Variants in VPS26C observed in about 807,000 individuals in gnomAD.
The protein encoded by VPS26C is VPS26 endosomal protein sorting factor C, also known as vacuolar protein sorting-associated protein 26C.
A neutral mutation model predicts 30.6 loss-of-function variants in VPS26C; 19 were observed. The observed-to-expected ratio is 0.62, with a 90% CI of 0.43 to 0.91. VPS26C has a LOEUF of 0.91. VPS26C is among the 40% of genes least tolerant of loss of function. The pLI is 0.00. For synonymous variants in VPS26C, 132 were observed against 151.5 expected (o/e 0.87, Z 0.95); for missense variants, 318 against 385.1 (o/e 0.83, Z 1.46).
Position 37,233,258 on chromosome 21 carries a change from T to G in VPS26C, c.432+104A>C, listed in dbSNP as rs894332081. ...GTCTTGTGTCTTCTGCCAGCACCCG[T>G]GAAACAGTAAGAGGCTAAATGGTGA... is the stretch of plus-strand genomic sequence containing the variant. On this transcript the variant is annotated intron_variant, in intron 4 of 7. Coordinates refer to ENST00000309117, the MANE Select transcript of VPS26C (RefSeq NM_006052.2). The surrounding 1 kb of genome is among the most constrained non-coding windows in gnomAD (Gnocchi z 5.2). 4 of 1,003,718 alleles carry G rather than the reference T, an allele frequency of 4.0e-6. No individual in the cohort carries two copies. In the African/African-American group the frequency reaches 4.8e-5, roughly 12 times the overall value. The allele number at this position is 1,003,718 out of a possible 1,614,324, so 62.2% of individuals were successfully genotyped here.
At chr21:37,232,343 T>TA (rs1410633886) in intron 5 of VPS26C, 34 bp downstream of exon 5, 1 of 1,596,804 alleles carries the variant, frequency 6.3e-7, no homozygotes, top group East Asian at 2.2e-5. Flanking sequence ...GCTGGGAAGA[T>TA]ACCCACGGCA....
chr21:37,261,596 TGACAAGAG>T lies in VPS26C; in HGVS notation c.57+5634_57+5641del, dbSNP rs1204645454. On this transcript the variant is annotated intron_variant, in intron 1 of 7. Transcript: ENST00000309117. ...TTAGGAATTTTTGTAAGGCTATGGG[TGACAAGAG>T]TTGTTGCTATAACAGAAACTGAAGC... is the stretch of plus-strand genomic sequence containing the variant. 4 of 151,722 alleles carry T rather than the reference TGACAAGAG, an allele frequency of 2.6e-5. No individual in the cohort carries two copies. The East Asian group carries it at 7.8e-4, about 29-fold the overall frequency. The allele number at this position is 151,722 out of a possible 1,614,324, so 9.4% of individuals were successfully genotyped here.
chr21:37,234,235 T>A (rs2085996490), intron 3 of VPS26C, among the ~76,000 whole-genome samples: 1 of 152,244 alleles, frequency 6.6e-6, no homozygotes, highest in African/African-American at 2.4e-5. Flanking sequence ...GAGGTCTCTC[T>A]CCATCTGCCA....
At chr21:37,261,280 T>G (rs1019981256) in intron 1 of VPS26C, 3 of 152,232 alleles carry the variant, frequency 2.0e-5, no homozygotes, top group African/African-American at 7.2e-5. Context: ...TAGCTTGATG[T>G]GATCCCATCT....
At position 37,257,903 on chromosome 21, in the gene VPS26C, C is replaced by G. The variant is rs530787584; in HGVS notation, c.57+9335G>C. Among the ~76,000 whole-genome samples, 13 of 151,794 alleles carry G rather than the reference C, an allele frequency of 8.6e-5. No individual in the cohort carries two copies. Among genetic ancestry groups the G allele is most frequent in the Admixed American group, 7.2e-4 (11 of 15,270 alleles). On this transcript the variant is annotated intron_variant, in intron 1 of 7. Transcript: ENST00000309117. The surrounding 1 kb of genome is among the most constrained non-coding windows in gnomAD (Gnocchi z 4.2). ...GGGCACCAAGCGGGGAGCGGGGCCA[C>G]GAGGCAGGGGACAGTGAAGCACCAT...
chr21:37,233,432 C>T lies in VPS26C; in HGVS notation c.362G>A (p.Arg121His), dbSNP rs892801310. The T allele has an allele frequency of 1.1e-5, 17 of 1,613,820 alleles. No homozygotes were observed. In the South Asian group the frequency reaches 1.2e-4, roughly 11 times the overall value. The change falls in exon 4 of 8, where the codon CGC (arginine) becomes CAC (histidine). Residue 121 changes from arginine to histidine, a missense_variant. Arg to His is a conservative substitution (Grantham distance 29). Coordinates refer to ENST00000309117, the MANE Select transcript of VPS26C (RefSeq NM_006052.2). This position sits in a 1 kb window ranked among gnomAD's most constrained non-coding sequence, Gnocchi z 5.2. ...GVFVNIQYTL[R>H]CDMKRSLLAK... Reference sequence around the variant, plus strand: ...CAACAGAGACCGCTTCATGTCACAGCGCAGTGTATACTAAAGGGGAGAGTT... The same window carrying T: ...CAACAGAGACCGCTTCATGTCACAGTGCAGTGTATACTAAAGGGGAGAGTT...
In VPS26C at chr21:37,252,125, A is replaced by G. The variant is rs552527061; in HGVS notation, c.58-11486T>C. Among the ~76,000 whole-genome samples, 9 of 152,320 alleles carry G rather than the reference A, an allele frequency of 5.9e-5. No homozygotes were observed. The South Asian group carries it at 1.9e-3, about 32-fold the overall frequency. On this transcript the variant is annotated intron_variant, in intron 1 of 7. Transcript: ENST00000309117. ...TAGTGAGATGCCTTTTTATTTACCA[A>G]TGAGGACCAAATGCACTAAGTAGTG...
chr21:37,267,866 A>G (rs1010400078), upstream of VPS26C: 3 of 153,918 alleles, frequency 1.9e-5, no homozygotes, highest in African/African-American at 2.4e-5. Context: ...GGTTCTGAAG[A>G]GCCGGCGCCC....
rs1602260913 is a variant in VPS26C, at chr21:37,227,729, G to A, written c.736C>T (p.Leu246Phe). 6.2e-7 allele frequency: 1 copy of A among 1,614,182 alleles called. No homozygotes were observed. Among genetic ancestry groups the A allele is most frequent in the Non-Finnish European group, 8.5e-7 (1 of 1,180,030 alleles). ...QIADGDVCRGLSVPIYMVFPR... is the reference protein window; with the variant it reads ...QIADGDVCRGFSVPIYMVFPR... ...AAGACCATGTAGATGGGGACAGAGAGGCCCCTGCACACATCCCCGTCGGCG... is the reference window on the plus strand; with the variant it reads ...AAGACCATGTAGATGGGGACAGAGAAGCCCCTGCACACATCCCCGTCGGCG... Residue 246 changes from leucine (L) to phenylalanine (F), a missense_variant, in exon 7 of 8, where the codon CTC (leucine) becomes TTC (phenylalanine). Leu to Phe is a conservative substitution (Grantham distance 22). Coordinates refer to ENST00000309117, the MANE Select transcript of VPS26C (RefSeq NM_006052.2).
At chr21:37,244,502 G>T (rs1157954709) in intron 1 of VPS26C, among the ~76,000 whole-genome samples, 2 of 152,172 alleles carry the variant, frequency 1.3e-5, no homozygotes, top group Non-Finnish European at 2.9e-5. Context: ...CCAAAGTGCT[G>T]GGATTACAGG....
intron 1 of VPS26C, among the ~76,000 whole-genome samples, chr21:37,248,833 A>G (rs1415689520): frequency 6.6e-6 from 1 of 152,176 alleles, no homozygotes; most frequent in Non-Finnish European, 1.5e-5. Context: ...TGTAAATACC[A>G]GTGCAAAGGT....
intron 1 of VPS26C, among the ~76,000 whole-genome samples, chr21:37,243,865 C>T (rs1183067050): frequency 6.6e-6 from 1 of 152,208 alleles, no homozygotes; most frequent in African/African-American, 2.4e-5. Context: ...CCTTAACAAC[C>T]TACTTGTAAC....
chr21:37,266,913 C>G (rs2086368684), intron 1 of VPS26C: 2 of 433,014 alleles, frequency 4.6e-6, no homozygotes, highest in African/African-American at 2.2e-5. Context: ...ACTGAGGGAG[C>G]TCAAGCCTGA....
At position 37,267,312 on chromosome 21, in the gene VPS26C, AGCC is replaced by A. The variant is rs755908735; in HGVS notation, c.-21_-19del. 3.1e-6 allele frequency: 5 copies of A among 1,595,260 alleles called. No homozygotes were observed. The highest frequency in any genetic ancestry group is 4.3e-6 in the Non-Finnish European group (5 of 1,168,434). Reference sequence around the variant, plus strand: ...GTCCCCATCTCCAATTCTCCGCAGCAGCCGCCACTTCCGGCTGCGCGTGACCCC... The same window carrying A: ...GTCCCCATCTCCAATTCTCCGCAGCAGCCACTTCCGGCTGCGCGTGACCCC... On this transcript the variant is annotated 5_prime_UTR_variant, in exon 1 of 8. Transcript: ENST00000309117.
In VPS26C at chr21:37,240,580, C is replaced by A. The variant is rs1352722267; in HGVS notation, c.117G>T (p.Val39=). 1.2e-6 allele frequency: 2 copies of A among 1,614,242 alleles called. No homozygotes were observed. The highest frequency in any genetic ancestry group is 1.7e-6 in the Non-Finnish European group (2 of 1,180,044). The change falls in exon 2 of 8, where the codon GTG becomes GTT. Residue 39 remains valine (V), a synonymous_variant. Coordinates refer to ENST00000309117, the MANE Select transcript of VPS26C (RefSeq NM_006052.2). ...TTACAGTTCCTTCCATGGTCAAAGA[C>A]ACTCCCTGGTGTTGGACTGAATCCT... ...SSKDSVQHQG[V]SLTMEGTVNL... is the part of the protein sequence containing the mutation.
At chr21:37,245,538 C>T (rs1317815536) in intron 1 of VPS26C, among the ~76,000 whole-genome samples, 2 of 152,148 alleles carry the variant, frequency 1.3e-5, no homozygotes, top group East Asian at 1.9e-4. Context: ...CACTCATTAT[C>T]CCCCCTCCCT....
upstream of VPS26C, chr21:37,267,361 C>T (rs960078243): frequency 2.1e-6 from 3 of 1,450,140 alleles, no homozygotes; most frequent in African/African-American, 4.3e-5. Flanking sequence ...GGGGCGCCTC[C>T]CCGCTTCGTT....
At chr21:37,247,559 CA>C (rs923553150) in intron 1 of VPS26C, among the ~76,000 whole-genome samples, 1 of 152,084 alleles carries the variant, frequency 6.6e-6, no homozygotes, top group Non-Finnish European at 1.5e-5. Context: ...TACTTAAAAA[CA>C]CATTCCCCCC....
chr21:37,267,252 CT>C lies in VPS26C; in HGVS notation c.42del (p.Val15PhefsTer27). 1 of 996,088 alleles carries C rather than the reference CT, an allele frequency of 1.0e-6. No homozygotes were observed. 61.7% of individuals were successfully genotyped at this position (996,088 alleles called of 1,614,324 possible). ...ALDIKIKRAN[K>X]VYHAGEVLSG... ...CCCCCACTTACCCCGGCGTGATAAACTTTATTCGCTCTTTTAATCTTGATGT... is the reference window on the plus strand; with the variant it reads ...CCCCCACTTACCCCGGCGTGATAAACTTATTCGCTCTTTTAATCTTGATGT... On this transcript the variant is annotated frameshift_variant, in exon 1 of 8. Coordinates refer to ENST00000309117, the MANE Select transcript of VPS26C (RefSeq NM_006052.2). LOFTEE classifies it high-confidence loss of function.
Sources: gnomAD v4.1 joint callset for allele counts (sites outside exome capture counted in the v4.1 genomes callset) on GRCh38, gnomAD v4.1.1 for gene constraint, Gnocchi (gnomAD v3.1) non-coding constraint, MANE v1.5 for transcripts, NCBI Gene and HGNC (gene_info 2026-07-23, HGNC 2026-07-21) for gene names.